Variants in WWOX observed in about 807,000 individuals in gnomAD.
The protein encoded by WWOX is WW domain containing oxidoreductase.
WWOX carries 69 observed loss-of-function variants against 46.2 expected under a neutral mutation model. The observed-to-expected ratio is 1.49, with a 90% CI of 1.23 to 1.82. The LOEUF (loss-of-function observed/expected upper bound fraction) is 1.82, where lower values mean the gene tolerates loss of function less well. Ranked by LOEUF, WWOX falls within the 40% of genes most tolerant of loss-of-function variation. The pLI, the probability that WWOX is intolerant of heterozygous loss-of-function variation, is 0.00. For synonymous variants in WWOX, 359 were observed against 202.6 expected (o/e 1.77, Z -6.56); for missense variants, 919 against 542.6 (o/e 1.69, Z -6.89).
intron 8 of WWOX, among the ~76,000 whole-genome samples, chr16:78,857,023 C>G (rs1460888221): frequency 6.6e-6 from 1 of 152,152 alleles, no homozygotes; most frequent in African/African-American, 2.4e-5. Context: ...TTTGCATATA[C>G]AAACATAGAA....
intron 8 of WWOX, among the ~76,000 whole-genome samples, chr16:78,618,599 G>C (rs2046088516): frequency 6.6e-6 from 1 of 152,118 alleles, no homozygotes; most frequent in Non-Finnish European, 1.5e-5. Flanking sequence ...TGAGGTACTG[G>C]GGGTTTGGGC....
chr16:78,318,881 T>A (rs376461328), intron 5 of WWOX, among the ~76,000 whole-genome samples: 8 of 152,170 alleles, frequency 5.3e-5, no homozygotes, highest in African/African-American at 1.9e-4. Context: ...ACAATGTGAG[T>A]GTATAATTCC....
chr16:78,724,247 C>T (rs1015486260), intron 8 of WWOX, among the ~76,000 whole-genome samples: 6 of 152,152 alleles, frequency 3.9e-5, no homozygotes, highest in Admixed American at 2.6e-4. Context: ...TCTAGGGCCT[C>T]TGGTTACCAG....
intron 1 of WWOX, among the ~76,000 whole-genome samples, chr16:78,101,680 T>A (rs1312661774): frequency 6.6e-6 from 1 of 152,152 alleles, no homozygotes; most frequent in Non-Finnish European, 1.5e-5. Context: ...TGTAAAATCT[T>A]CCCTCCCAGG....
intron 8 of WWOX, among the ~76,000 whole-genome samples, chr16:78,636,517 A>C (rs563715502): frequency 2.6e-4 from 40 of 152,054 alleles, no homozygotes; most frequent in Non-Finnish European, 4.7e-4. Flanking sequence ...TTTTTTTCCT[A>C]ATAGAAAATA....
At chr16:78,665,474 C>G (rs2047309076) in intron 8 of WWOX, among the ~76,000 whole-genome samples, 1 of 152,118 alleles carries the variant, frequency 6.6e-6, no homozygotes, top group Non-Finnish European at 1.5e-5. Context: ...ATGTGATTTG[C>G]TGTGGCGAGT....
chr16:78,406,363 T>TA (rs1476318689), intron 6 of WWOX, among the ~76,000 whole-genome samples: 1 of 123,890 alleles, frequency 8.1e-6, no homozygotes, highest in African/African-American at 3.4e-5. Context: ...TATTTTATTA[T>TA]TTTTTTTTGA....
chr16:78,993,687 C>T (rs2046933019), intron 8 of WWOX, among the ~76,000 whole-genome samples: 2 of 152,198 alleles, frequency 1.3e-5, no homozygotes, highest in Non-Finnish European at 2.9e-5. Context: ...GTGGCTGCCA[C>T]GGGGGGACAG....
chr16:78,226,496 CCCTCCCTCCCTT>C (rs1260448508), intron 5 of WWOX, among the ~76,000 whole-genome samples: 5 of 135,690 alleles, frequency 3.7e-5, no homozygotes, highest in Admixed American at 7.8e-5. Flanking sequence ...CTCCCTCCCT[CCCTCCCTCCCTT>C]CCTTCCTTCC....
intron 8 of WWOX, among the ~76,000 whole-genome samples, chr16:78,958,673 T>C (rs1201594636): frequency 6.6e-6 from 1 of 152,218 alleles, no homozygotes; most frequent in Non-Finnish European, 1.5e-5. Context: ...TTTCTTTTGG[T>C]ATTCTCAGAC....
chr16:78,756,263 G>A (rs2049643718), intron 8 of WWOX, among the ~76,000 whole-genome samples: 1 of 152,094 alleles, frequency 6.6e-6, no homozygotes, highest in Admixed American at 6.5e-5. Context: ...TAGATGTCAT[G>A]TTGGCAGACA....
chr16:78,120,185 C>T (rs1476463111), intron 4 of WWOX, among the ~76,000 whole-genome samples: 2 of 152,116 alleles, frequency 1.3e-5, no homozygotes, highest in Admixed American at 1.3e-4. Context: ...TGCATACTTA[C>T]ATATCAAAAT....
intron 5 of WWOX, among the ~76,000 whole-genome samples, chr16:78,356,522 T>C (rs1463809233): frequency 1.3e-5 from 2 of 152,124 alleles, no homozygotes; most frequent in Non-Finnish European, 2.9e-5. Flanking sequence ...TCCAGTGCTC[T>C]GAATGTGGAG....
intron 8 of WWOX, among the ~76,000 whole-genome samples, chr16:78,610,633 C>T (rs751071866): frequency 2.0e-5 from 3 of 151,962 alleles, no homozygotes; most frequent in Non-Finnish European, 4.4e-5. Flanking sequence ...ATATCTGTTG[C>T]CCCTTCTCCT....
chr16:78,895,049 G>C (rs1318263011), intron 8 of WWOX, among the ~76,000 whole-genome samples: 4 of 152,168 alleles, frequency 2.6e-5, no homozygotes, highest in Admixed American at 1.3e-4. Flanking sequence ...TCTTATCTTG[G>C]TAGTACGATT....
chr16:78,257,209 G>A (rs1184121661), intron 5 of WWOX, among the ~76,000 whole-genome samples: 1 of 151,914 alleles, frequency 6.6e-6, no homozygotes, highest in African/African-American at 2.4e-5. Flanking sequence ...TAATCTTCTA[G>A]TAAACATTTG....
chr16:78,563,816 A>G (rs922009006), intron 8 of WWOX, among the ~76,000 whole-genome samples: 3 of 152,270 alleles, frequency 2.0e-5, no homozygotes, highest in African/African-American at 7.2e-5. Flanking sequence ...TCCCCTGCAT[A>G]TGTACATCCT....
rs186850315 is a variant in WWOX, at chr16:78,569,649, T to A, written c.1056+136897T>A. Among the ~76,000 whole-genome samples, 7 of 152,278 alleles carry A rather than the reference T, an allele frequency of 4.6e-5. No homozygotes were observed. In the East Asian group the frequency reaches 1.2e-3, roughly 25 times the overall value. On this transcript the variant is annotated intron_variant, in intron 8 of 8. Transcript: ENST00000566780. The stretch of plus-strand genomic sequence containing the variant: ...ACACTGATTAATCACAGTTATAGAG[T>A]AGACATAACATTTTTATTAAACTCT...
chr16:78,116,331 C>G (rs551031120), intron 4 of WWOX, among the ~76,000 whole-genome samples: 2 of 152,296 alleles, frequency 1.3e-5, no homozygotes, highest in East Asian at 1.9e-4. Flanking sequence ...GAAATATTTT[C>G]TAGCATGATT....
Sources: gnomAD v4.1 joint callset for allele counts (sites outside exome capture counted in the v4.1 genomes callset) on GRCh38, gnomAD v4.1.1 for gene constraint, MANE v1.5 for transcripts, NCBI Gene and HGNC (gene_info 2026-07-23, HGNC 2026-07-21) for gene names.